PTPRT: variants seen among roughly 807,000 people sequenced by gnomAD.
PTPRT encodes the protein receptor-type tyrosine-protein phosphatase T.
Under a neutral mutation model 176.8 loss-of-function variants are expected in PTPRT, and 56 were observed. The observed-to-expected ratio is 0.32, with a 90% CI of 0.26 to 0.40. PTPRT has a LOEUF of 0.40. Ranked by LOEUF, PTPRT falls within the 10% of genes least tolerant of loss-of-function variation. PTPRT has a pLI of 1.00. For synonymous variants in PTPRT, 783 were observed against 739.0 expected, an observed-to-expected ratio of 1.06 and a Z score of -0.96; for missense variants, 1,540 against 1,908.2, an observed-to-expected ratio of 0.81 and a Z score of 3.60.
At position 42,566,111 on chromosome 20, in the gene PTPRT, T is replaced by TA. The variant is rs57074457; in HGVS notation, c.1154-93550dup. Among the ~76,000 whole-genome samples, 11 of 151,028 alleles carry TA rather than the reference T, an allele frequency of 7.3e-5. 1 individual carries two copies. Among genetic ancestry groups the TA allele is most frequent in the South Asian group, 4.2e-4 (2 of 4,778 alleles). ...TGTACCCTAAAACTTAAAGTATAAT[T>TA]AAAAAAAAATAGATTCAATTTTATT... On this transcript the variant is annotated intron_variant, in intron 7 of 30. Transcript: ENST00000373187.
chr20:42,069,706 A>G (rs555491061), downstream of PTPRT, among the ~76,000 whole-genome samples: 7 of 152,188 alleles, frequency 4.6e-5, no homozygotes, highest in African/African-American at 7.2e-5. Flanking sequence ...TATATATTCA[A>G]TTTATTTTCT....
intron 1 of PTPRT, among the ~76,000 whole-genome samples, chr20:42,963,942 G>A (rs558449767): frequency 3.3e-5 from 5 of 152,164 alleles, no homozygotes; most frequent in Admixed American, 1.3e-4. Context: ...TCAGGCTTTC[G>A]GGCTACATCC....
intron 29 of PTPRT, among the ~76,000 whole-genome samples, chr20:42,083,650 G>A (rs987652025): frequency 6.6e-6 from 1 of 152,174 alleles, no homozygotes; most frequent in African/African-American, 2.4e-5. Flanking sequence ...TGAAAAGACT[G>A]ACCTCAATTC....
chr20:42,039,702 AGT>A, the PTPRT span, among the ~76,000 whole-genome samples: 2 of 142,514 alleles, frequency 1.4e-5, no homozygotes, highest in African/African-American at 5.1e-5. Flanking sequence ...GTATATATAT[AGT>A]AATGTATATT....
At chr20:42,660,960 T>C (rs1327848599) in intron 7 of PTPRT, among the ~76,000 whole-genome samples, 1 of 152,090 alleles carries the variant, frequency 6.6e-6, no homozygotes, top group Admixed American at 6.5e-5. Flanking sequence ...TAAGTGATTC[T>C]CCTGCCTCAG....
chr20:42,109,226 T>C (rs182941680), intron 23 of PTPRT, among the ~76,000 whole-genome samples: 257 of 152,268 alleles, frequency 1.7e-3, no homozygotes, highest in African/African-American at 5.9e-3. Context: ...CCATGGTCTC[T>C]TGACTGACAC....
chr20:42,112,208 G>A (rs532852340), intron 22 of PTPRT, among the ~76,000 whole-genome samples: 162 of 152,258 alleles, frequency 1.1e-3, no homozygotes, highest in Non-Finnish European at 1.8e-3. Flanking sequence ...TGGGTGGATC[G>A]GGGGTTGCAG....
chr20:42,327,422 G>A (rs891220647), intron 11 of PTPRT, among the ~76,000 whole-genome samples: 1 of 152,076 alleles, frequency 6.6e-6, no homozygotes, highest in Non-Finnish European at 1.5e-5. Context: ...AAATTTGAAT[G>A]TGACCTATAT....
At chr20:42,360,980 A>G (rs1465938786) in intron 9 of PTPRT, among the ~76,000 whole-genome samples, 1 of 152,252 alleles carries the variant, frequency 6.6e-6, no homozygotes, top group South Asian at 2.1e-4. Flanking sequence ...CAAATCCTCA[A>G]TGTGGTACAA....
At chr20:42,748,558 G>T (rs536008992) in intron 6 of PTPRT, among the ~76,000 whole-genome samples, 1 of 152,120 alleles carries the variant, frequency 6.6e-6, no homozygotes, top group East Asian at 1.9e-4. Context: ...ACCTTAGAAG[G>T]CCACAGAGGC....
chr20:42,140,360 G>A (rs1286578149), intron 18 of PTPRT, among the ~76,000 whole-genome samples: 1 of 152,100 alleles, frequency 6.6e-6, no homozygotes, highest in African/African-American at 2.4e-5. Flanking sequence ...GTAGACTCCT[G>A]TTCTAATTAG....
chr20:42,834,464 C>T (rs2078146953), intron 2 of PTPRT, among the ~76,000 whole-genome samples: 1 of 152,064 alleles, frequency 6.6e-6, no homozygotes, highest in African/African-American at 2.4e-5. Flanking sequence ...TTGACAGTTC[C>T]TTATGAAGTC....
At chr20:42,249,379 A>G (rs2056511554) in intron 13 of PTPRT, among the ~76,000 whole-genome samples, 1 of 152,246 alleles carries the variant, frequency 6.6e-6, no homozygotes, top group Non-Finnish European at 1.5e-5. Flanking sequence ...TCAAAAAAAC[A>G]CTTAAATCTG....
chr20:43,075,851 T>C (rs946304079), intron 1 of PTPRT, among the ~76,000 whole-genome samples: 10 of 152,246 alleles, frequency 6.6e-5, no homozygotes, highest in Non-Finnish European at 1.2e-4. Flanking sequence ...CTAAAGCTTT[T>C]GCATAAAGTA....
At chr20:42,936,133 C>A (rs969315459) in intron 1 of PTPRT, among the ~76,000 whole-genome samples, 1 of 152,042 alleles carries the variant, frequency 6.6e-6, no homozygotes, top group Non-Finnish European at 1.5e-5. Context: ...GGAGAAAGAC[C>A]GTAAATGGGA....
rs184441919 is a variant in PTPRT at position 43,043,602 on chromosome 20, G to A, written c.88+146044C>T. Among the ~76,000 whole-genome samples, 615 of 152,218 alleles carry A rather than the reference G, an allele frequency of 4.0e-3. 2 individuals carry two copies. The highest frequency in any genetic ancestry group is 0.013 in the African/African-American group (535 of 41,542). On this transcript the variant is annotated intron_variant, in intron 1 of 30. Transcript: ENST00000373187. The stretch of plus-strand genomic sequence containing the variant: ...ACACAGCCTACATGCAGCCAACCCC[G>A]CCTTGAGCCTTTCTGCCTCTGAGCT...
intron 1 of PTPRT, among the ~76,000 whole-genome samples, chr20:43,099,927 G>A (rs2012321946): frequency 6.6e-6 from 1 of 151,988 alleles, no homozygotes; most frequent in Admixed American, 6.6e-5. Flanking sequence ...CACTTGCCTT[G>A]GGAGCTCCCA....
At chr20:42,521,779 A>G (rs545623512) in intron 7 of PTPRT, among the ~76,000 whole-genome samples, 6 of 152,332 alleles carry the variant, frequency 3.9e-5, no homozygotes, top group African/African-American at 1.4e-4. Context: ...TTACTTGAGT[A>G]TAATAAATAT....
chr20:42,208,016 C>T (rs1236762718), intron 15 of PTPRT, among the ~76,000 whole-genome samples: 1 of 105,518 alleles, frequency 9.5e-6, no homozygotes, highest in Non-Finnish European at 1.9e-5. Flanking sequence ...GAATTTTCAA[C>T]CCAGAATTTC....
Sources: gnomAD v4.1 joint callset for allele counts (sites outside exome capture counted in the v4.1 genomes callset) on GRCh38, gnomAD v4.1.1 for gene constraint, MANE v1.5 for transcripts, NCBI Gene and HGNC (gene_info 2026-07-23, HGNC 2026-07-21) for gene names.